GALNTL6: variants seen among roughly 807,000 people sequenced by gnomAD.
GALNTL6 encodes polypeptide N-acetylgalactosaminyltransferase like 6.
A neutral mutation model predicts 73.7 loss-of-function variants in GALNTL6; 46 were observed. The ratio of observed to expected loss-of-function variants is 0.62; its 90% confidence interval spans 0.49 to 0.80. The LOEUF (loss-of-function observed/expected upper bound fraction) is 0.80. GALNTL6 is among the 30% of genes least tolerant of loss of function. The pLI is 0.00. For missense variants in GALNTL6, 604 were observed against 755.0 expected (o/e 0.80, Z 2.34); for synonymous variants, 259 against 263.7 (o/e 0.98, Z 0.17).
intron 2 of GALNTL6, among the ~76,000 whole-genome samples, chr4:171,963,816 G>A (rs1739303701): frequency 6.6e-6 from 1 of 152,204 alleles, no homozygotes; most frequent in East Asian, 1.9e-4. Flanking sequence ...TATGTTAGGA[G>A]TGAATTATCC....
chr4:172,889,448 A>G (rs2111208641), intron 8 of GALNTL6, among the ~76,000 whole-genome samples: 1 of 152,204 alleles, frequency 6.6e-6, no homozygotes, highest in African/African-American at 2.4e-5. Flanking sequence ...TAGTTTGTTG[A>G]GGGTTTTTAT....
In GALNTL6 at chr4:172,376,409, C is replaced by T. The variant is rs556472022; in HGVS notation, c.553+27720C>T. 9.9e-5 allele frequency among the ~76,000 whole-genome samples: 15 copies of T among 152,210 alleles called. No homozygotes were observed. The East Asian group carries it at 2.9e-3, about 30-fold the overall frequency. Reference sequence around the variant, plus strand: ...ATGGTCAACCAACTTGTTGTCGGCACCCCGGAGCTGAATGGCTTTCCTCTC... The same window carrying T: ...ATGGTCAACCAACTTGTTGTCGGCATCCCGGAGCTGAATGGCTTTCCTCTC... On this transcript the variant is annotated intron_variant, in intron 5 of 12. Transcript: ENST00000506823.
At chr4:171,949,102 C>A (rs556870518) in intron 2 of GALNTL6, among the ~76,000 whole-genome samples, 1 of 152,002 alleles carries the variant, frequency 6.6e-6, no homozygotes, top group African/African-American at 2.4e-5. Flanking sequence ...TCCTGGCAGC[C>A]GGTTTCTCTG....
chr4:172,379,663 TA>T (rs1206845489), intron 5 of GALNTL6, among the ~76,000 whole-genome samples: 1 of 128,538 alleles, frequency 7.8e-6, no homozygotes, highest in Admixed American at 7.7e-5. Flanking sequence ...AAAAATAAAA[TA>T]AAATAAAATA....
At chr4:171,899,740 T>C (rs1312935172) in intron 2 of GALNTL6, among the ~76,000 whole-genome samples, 5 of 152,200 alleles carry the variant, frequency 3.3e-5, no homozygotes, top group Admixed American at 1.3e-4. Flanking sequence ...CCTCTTTATA[T>C]TGACAAACCC....
At chr4:172,796,180 A>G (rs532026763) in intron 5 of GALNTL6, among the ~76,000 whole-genome samples, 3 of 151,998 alleles carry the variant, frequency 2.0e-5, no homozygotes, top group South Asian at 4.1e-4. Flanking sequence ...AATTCCCTGT[A>G]TTAAGTCTCT....
chr4:173,038,545 T>C (rs902740741), intron 12 of GALNTL6, among the ~76,000 whole-genome samples: 8 of 152,320 alleles, frequency 5.3e-5, no homozygotes, highest in African/African-American at 1.9e-4. Context: ...TCAGGAGCCC[T>C]CTTTGTGTAA....
chr4:172,497,573 A>AGG (rs1409815597), intron 5 of GALNTL6, among the ~76,000 whole-genome samples: 1 of 152,224 alleles, frequency 6.6e-6, no homozygotes, highest in East Asian at 1.9e-4. Flanking sequence ...TGTCAGTCTT[A>AGG]TTATTAGGTC....
At chr4:172,439,984 G>A (rs942377724) in intron 5 of GALNTL6, among the ~76,000 whole-genome samples, 3 of 152,004 alleles carry the variant, frequency 2.0e-5, no homozygotes, top group African/African-American at 7.2e-5. Context: ...ATGTTCTATG[G>A]CAGAACACTG....
At chr4:171,929,686 C>A (rs1489835428) in intron 2 of GALNTL6, among the ~76,000 whole-genome samples, 7 of 152,182 alleles carry the variant, frequency 4.6e-5, no homozygotes, top group Non-Finnish European at 1.0e-4. Context: ...TGCTGCACAG[C>A]TGCCCAGCCC....
intron 2 of GALNTL6, among the ~76,000 whole-genome samples, chr4:172,063,219 A>C (rs1489797320): frequency 6.6e-6 from 1 of 152,200 alleles, no homozygotes; most frequent in East Asian, 1.9e-4. Context: ...ACTTTGCTTC[A>C]CTTTCTTCAA....
At chr4:172,352,865 A>G (rs1182141594) in intron 5 of GALNTL6, among the ~76,000 whole-genome samples, 2 of 152,018 alleles carry the variant, frequency 1.3e-5, no homozygotes, top group Non-Finnish European at 2.9e-5. Flanking sequence ...TGAGTTTCAG[A>G]AAGATCTGTT....
In GALNTL6 at chr4:172,406,128, A is replaced by G. The variant is rs372004921; in HGVS notation, c.553+57439A>G. Among the ~76,000 whole-genome samples the G allele has an allele frequency of 9.7e-4, 147 of 152,154 alleles. 4 individuals carry two copies. In the South Asian group the frequency reaches 0.03, roughly 31 times the overall value. ...AATGTAGGCTAATAGGTATAAGTGT[A>G]TAAGTATTATGTATATATTAATAAT... On this transcript the variant is annotated intron_variant, in intron 5 of 12. Transcript: ENST00000506823.
In GALNTL6 at chr4:172,616,026, G is replaced by A. The variant is rs563964803; in HGVS notation, c.554-193335G>A. Among the ~76,000 whole-genome samples the A allele has an allele frequency of 3.3e-5, 5 of 152,260 alleles. No homozygotes were observed. In the South Asian group the frequency reaches 8.3e-4, roughly 25 times the overall value. ...TCAGAAACAGCTAAAAACATGAAAT[G>A]CCTAAGTTTTTGGCTGAATATGGGT... is the stretch of plus-strand genomic sequence containing the variant. On this transcript the variant is annotated intron_variant, in intron 5 of 12. Coordinates refer to ENST00000506823, the MANE Select transcript of GALNTL6 (RefSeq NM_001034845.3).
chr4:172,101,025 T>C (rs1052515168), intron 2 of GALNTL6, among the ~76,000 whole-genome samples: 6 of 152,154 alleles, frequency 3.9e-5, no homozygotes, highest in Non-Finnish European at 8.8e-5. Flanking sequence ...CAGTAAAACA[T>C]ATTGATAGGC....
chr4:172,559,128 GA>G (rs2110920362), intron 5 of GALNTL6, among the ~76,000 whole-genome samples: 1 of 120,026 alleles, frequency 8.3e-6, no homozygotes, highest in African/African-American at 3.2e-5. Flanking sequence ...GTGCAGTCGC[GA>G]TCTCGGCTCA....
chr4:172,668,604 C>G (rs1731799347), intron 5 of GALNTL6: 1 of 152,128 alleles, frequency 6.6e-6, no homozygotes. Context: ...TTCTCTCCTG[C>G]TTGGCTTATT....
At chr4:171,979,058 G>T (rs138076697) in intron 2 of GALNTL6, among the ~76,000 whole-genome samples, 9 of 152,140 alleles carry the variant, frequency 5.9e-5, no homozygotes, top group African/African-American at 2.2e-4. Context: ...TTGACATTAT[G>T]CAGGTCACTT....
chr4:172,683,476 C>A (rs1352208822), intron 5 of GALNTL6, among the ~76,000 whole-genome samples: 2 of 152,172 alleles, frequency 1.3e-5, no homozygotes, highest in Admixed American at 1.3e-4. Context: ...TACAATAATT[C>A]TTTCAAGTCT....
Sources: allele counts gnomAD v4.1 joint callset (sites outside exome capture counted in the v4.1 genomes callset), GRCh38; gene constraint gnomAD v4.1.1; transcripts MANE v1.5; gene names NCBI Gene and HGNC (gene_info 2026-07-23, HGNC 2026-07-21).